Variants in EPHB1 observed in about 807,000 individuals in gnomAD.
EPHB1 encodes EPH receptor B1.
Under a neutral mutation model 94.4 loss-of-function variants are expected in EPHB1, and 30 were observed. The observed-to-expected ratio is 0.32, with a 90% confidence interval of 0.24 to 0.43. The LOEUF (loss-of-function observed/expected upper bound fraction) is 0.43. Ranked by LOEUF, EPHB1 falls within the 20% of genes least tolerant of loss-of-function variation. The pLI is 1.00. For synonymous variants in EPHB1, 522 were observed against 489.1 expected (o/e 1.07, Z -0.89); for missense variants, 1,055 against 1,308.3 (o/e 0.81, Z 2.99).
intron 5 of EPHB1, among the ~76,000 whole-genome samples, chr3:135,149,855 C>A (rs1180384328): frequency 6.6e-6 from 1 of 152,210 alleles, no homozygotes; most frequent in African/African-American, 2.4e-5. Flanking sequence ...TCTTCCCAGA[C>A]CCGAGTGCCG....
At chr3:135,033,240 G>A (rs1936542572) in intron 3 of EPHB1, among the ~76,000 whole-genome samples, 1 of 152,152 alleles carries the variant, frequency 6.6e-6, no homozygotes. Flanking sequence ...CGTTTATGGT[G>A]GGTTCGGCTT....
At chr3:135,211,965 T>C (rs1019717372) in intron 12 of EPHB1, among the ~76,000 whole-genome samples, 2 of 152,184 alleles carry the variant, frequency 1.3e-5, no homozygotes, top group African/African-American at 4.8e-5. Context: ...TGCAGTTATC[T>C]AGAGGGAGAA....
intron 1 of EPHB1, among the ~76,000 whole-genome samples, chr3:134,851,101 C>T (rs573627742): frequency 2.0e-5 from 3 of 152,344 alleles, no homozygotes; most frequent in Non-Finnish European, 4.4e-5. Context: ...CTGTGTCCCT[C>T]CAGTGTCTGG....
intron 10 of EPHB1, among the ~76,000 whole-genome samples, chr3:135,186,964 G>T (rs1180181632): frequency 6.6e-6 from 1 of 152,116 alleles, no homozygotes; most frequent in Non-Finnish European, 1.5e-5. Flanking sequence ...CAGGTCACAG[G>T]CCCCACCTAC....
intron 3 of EPHB1, among the ~76,000 whole-genome samples, chr3:134,955,149 C>T (rs1578227859): frequency 1.9e-5 from 1 of 51,530 alleles, no homozygotes; most frequent in East Asian, 4.0e-4. Flanking sequence ...GGTACATGTG[C>T]ACATTGTGCA....
At chr3:135,068,714 T>C (rs577978701) in intron 3 of EPHB1, among the ~76,000 whole-genome samples, 35 of 151,098 alleles carry the variant, frequency 2.3e-4, no homozygotes, top group African/African-American at 8.5e-4. Context: ...AGTGGCGCAA[T>C]CTCTGCTCAC....
chr3:135,039,368 G>T (rs2107764730), intron 3 of EPHB1, among the ~76,000 whole-genome samples: 1 of 152,390 alleles, frequency 6.6e-6, no homozygotes, highest in Middle Eastern at 3.4e-3. Context: ...GCTTCACCTA[G>T]TGGATCCCGC....
chr3:135,165,847 C>A, intron 7 of EPHB1, 121 bp from the exon 8 acceptor site: 1 of 641,668 alleles, frequency 1.6e-6, no homozygotes, highest in Non-Finnish European at 2.7e-6. Context: ...ACAACTCTGA[C>A]ACATAGAAAC....
intron 1 of EPHB1, among the ~76,000 whole-genome samples, chr3:134,877,700 T>G (rs2037644803): frequency 6.6e-6 from 1 of 152,202 alleles, no homozygotes; most frequent in African/African-American, 2.4e-5. Context: ...TCACTGCATG[T>G]GCTTTCCTGG....
Position 135,214,792 on chromosome 3 carries a change from T to C in EPHB1, c.2346+13103T>C, listed in dbSNP as rs144090209. ...CAAAATTCGGCCTTCATTCATGATATTGTACTGCCCAATTGATCCCTGTGT... is the reference window on the plus strand; with the variant it reads ...CAAAATTCGGCCTTCATTCATGATACTGTACTGCCCAATTGATCCCTGTGT... On this transcript the variant is annotated intron_variant, in intron 12 of 15. Transcript: ENST00000398015. 4.6e-3 allele frequency among the ~76,000 whole-genome samples: 697 copies of C among 152,348 alleles called. 10 individuals are homozygous for C. Among genetic ancestry groups the C allele is most frequent in the African/African-American group, 0.016 (663 of 41,580 alleles).
At chr3:134,958,221 T>G (rs1933355691) in intron 3 of EPHB1, among the ~76,000 whole-genome samples, 1 of 152,188 alleles carries the variant, frequency 6.6e-6, no homozygotes, top group African/African-American at 2.4e-5. Context: ...AGCCACTTTA[T>G]AAGCCTGGGG....
At chr3:135,153,048 A>T (rs897844077) in intron 5 of EPHB1, among the ~76,000 whole-genome samples, 2 of 152,202 alleles carry the variant, frequency 1.3e-5, no homozygotes, top group Non-Finnish European at 2.9e-5. Context: ...GAGGGGCTGC[A>T]TGTAGTAGGG....
intron 1 of EPHB1, among the ~76,000 whole-genome samples, chr3:134,828,349 T>C (rs761428243): frequency 6.6e-6 from 1 of 152,238 alleles, no homozygotes; most frequent in Non-Finnish European, 1.5e-5. Flanking sequence ...GGTGTGGTTC[T>C]CACAGCTTCC....
At chr3:134,962,138 GATA>G (rs1404686603) in intron 3 of EPHB1, among the ~76,000 whole-genome samples, 3 of 152,170 alleles carry the variant, frequency 2.0e-5, no homozygotes, top group Non-Finnish European at 4.4e-5. Flanking sequence ...CCTTTGCCAA[GATA>G]ATAAAATATC....
chr3:135,235,948 C>T (rs891232727), intron 12 of EPHB1, among the ~76,000 whole-genome samples: 4 of 152,196 alleles, frequency 2.6e-5, no homozygotes, highest in Admixed American at 2.6e-4. Flanking sequence ...CTCCCAAGTC[C>T]TCTTGCCCCC....
At chr3:135,216,615 T>A (rs914560682) in intron 12 of EPHB1, among the ~76,000 whole-genome samples, 10 of 150,614 alleles carry the variant, frequency 6.6e-5, no homozygotes, top group African/African-American at 2.4e-4. Context: ...CCCAGCTACT[T>A]GAGAGGCTGA....
chr3:135,013,043 C>T (rs1489518749), intron 3 of EPHB1, among the ~76,000 whole-genome samples: 1 of 152,140 alleles, frequency 6.6e-6, no homozygotes, highest in Non-Finnish European at 1.5e-5. Context: ...AGATGTGGCA[C>T]CTGATGATTT....
chr3:135,046,204 T>A (rs1471444581), intron 3 of EPHB1, among the ~76,000 whole-genome samples: 1 of 152,228 alleles, frequency 6.6e-6, no homozygotes, highest in Non-Finnish European at 1.5e-5. Context: ...GTCTGATAAT[T>A]TTCAAGAGTG....
intron 1 of EPHB1, among the ~76,000 whole-genome samples, chr3:134,799,190 A>G (rs184085811): frequency 3.9e-5 from 6 of 152,328 alleles, no homozygotes; most frequent in Admixed American, 3.9e-4. Flanking sequence ...GGACACAGTT[A>G]CATTTCCATT....
Sources: gnomAD v4.1 joint callset for allele counts (sites outside exome capture counted in the v4.1 genomes callset) on GRCh38, gnomAD v4.1.1 for gene constraint, MANE v1.5 for transcripts, NCBI Gene and HGNC (gene_info 2026-07-23, HGNC 2026-07-21) for gene names.